Variants in NR1D2 observed in about 807,000 individuals in gnomAD.
NR1D2 encodes the protein V-erbA-related protein 1-related.
A neutral mutation model predicts 52.2 loss-of-function variants in NR1D2; 25 were observed. That is an observed-to-expected ratio of 0.48 (90% CI 0.35 to 0.67). NR1D2 has a LOEUF of 0.67. Ranked by LOEUF, NR1D2 falls within the 30% of genes least tolerant of loss-of-function variation. The pLI is 0.01. For missense variants in NR1D2, 681 were observed against 707.2 expected (o/e 0.96, Z 0.42); for synonymous variants, 259 against 230.1 (o/e 1.13, Z -1.14).
intron 5 of NR1D2, chr3:23,963,391 A>G: frequency 8.0e-7 from 1 of 1,251,932 alleles, no homozygotes; most frequent in Non-Finnish European, 1.0e-6. Context: ...CTTCATTAAA[A>G]TTTTTGTTGT....
chr3:23,971,601 T>C (rs974397199), intron 7 of NR1D2, among the ~76,000 whole-genome samples: 2 of 152,170 alleles, frequency 1.3e-5, no homozygotes, highest in Non-Finnish European at 2.9e-5. Context: ...GTATAACTTA[T>C]AAATAAAAGT....
intron 7 of NR1D2, among the ~76,000 whole-genome samples, chr3:23,976,880 T>A (rs538573548): frequency 6.6e-6 from 1 of 152,354 alleles, no homozygotes; most frequent in African/African-American, 2.4e-5. Flanking sequence ...AAAATATGTT[T>A]ATATACTACA....
intron 1 of NR1D2, chr3:23,946,356 G>A (rs1453871805): frequency 2.1e-6 from 2 of 937,738 alleles, no homozygotes; most frequent in Non-Finnish European, 2.5e-6. Context: ...GCAGGACGAG[G>A]GCGTGCTGCA....
rs755844630 is a variant in NR1D2 at position 23,977,438 on chromosome 3, C to A, written c.*19C>A. Reference sequence around the variant, plus strand: ...CCCTTAAGGCCTTTGTTTATTTAAACATGAACTGATGGTAACTGTACATTT... The same window carrying A: ...CCCTTAAGGCCTTTGTTTATTTAAAAATGAACTGATGGTAACTGTACATTT... On this transcript the variant is annotated 3_prime_UTR_variant, in exon 8 of 8. Transcript: ENST00000312521. 1 of 1,501,868 alleles carries A rather than the reference C, an allele frequency of 6.7e-7. No homozygotes were observed. The highest frequency in any genetic ancestry group is 1.4e-5 in the African/African-American group (1 of 71,352). The allele number at this position is 1,501,868 out of a possible 1,614,324, so 93.0% of individuals were successfully genotyped here.
intron 6 of NR1D2, among the ~76,000 whole-genome samples, 174 bp downstream of exon 6, chr3:23,965,336 T>C (rs1706410977): frequency 6.9e-6 from 1 of 145,078 alleles, no homozygotes; most frequent in South Asian, 2.2e-4. Flanking sequence ...GCTTCCTGGG[T>C]TCAAGCATTC....
At chr3:23,956,898 A>T (rs1290398077) in intron 3 of NR1D2, among the ~76,000 whole-genome samples, 1 of 152,080 alleles carries the variant, frequency 6.6e-6, no homozygotes. Context: ...TAGTTTGGCG[A>T]GATATGATGG....
chr3:23,946,174 G>T, intron 1 of NR1D2: 1 of 985,254 alleles, frequency 1.0e-6, no homozygotes, highest in African/African-American at 1.7e-5. Context: ...GTGCGCGCCC[G>T]CTGAGCCCCC....
chr3:23,963,188 C>T (rs2125291751), intron 5 of NR1D2: 1 of 1,045,222 alleles, frequency 9.6e-7, no homozygotes. Context: ...TGAAGCTTTT[C>T]TATTTTTCCA....
rs758912664 is a variant in NR1D2, at chr3:23,954,762, C to T, written c.242C>T (p.Ser81Leu). 7 of 1,614,134 alleles carry T rather than the reference C, an allele frequency of 4.3e-6. No homozygotes were observed. Among genetic ancestry groups the T allele is most frequent in the Middle Eastern group, 1.6e-4 (1 of 6,062 alleles). Residue 81 changes from serine (S) to leucine (L), a missense_variant, in exon 2 of 8, where the codon TCG (serine) becomes TTG (leucine). Physicochemically the swap from Ser to Leu is moderately radical, Grantham distance 145. Transcript: ENST00000312521. ...GATTGTTCTATGAAAACAAGCAAAT[C>T]GAGTGCACCTGGGATGACAAAAAGT... ...RIDCSMKTSK[S>L]SAPGMTKSHS...
chr3:23,967,822 G>A lies in NR1D2; in HGVS notation c.1342G>A (p.Val448Ile). ...CTTTTTCTTTTTCCAGGTTTTAATGGTACGGTTCGCATCATTATTTGATGC... is the reference window on the plus strand; with the variant it reads ...CTTTTTCTTTTTCCAGGTTTTAATGATACGGTTCGCATCATTATTTGATGC... ...LKAGTFEVLMVRFASLFDAKE... is the reference protein window; with the variant it reads ...LKAGTFEVLMIRFASLFDAKE... The change falls in exon 7 of 8, where the codon GTA becomes ATA. Residue 448 changes from valine to isoleucine, a missense_variant. This residue lies in a region of NR1D2 where 475 missense variants were observed against 454.5 expected (regional missense o/e 1.05). Coordinates refer to ENST00000312521, the MANE Select transcript of NR1D2 (RefSeq NM_005126.5). 1 of 1,612,696 alleles carries A rather than the reference G, an allele frequency of 6.2e-7. No individual in the cohort carries two copies. The highest frequency in any genetic ancestry group is 8.5e-7 in the Non-Finnish European group (1 of 1,179,330).
chr3:23,963,146 C>A, intron 5 of NR1D2: 1 of 575,532 alleles, frequency 1.7e-6, no homozygotes, highest in Non-Finnish European at 2.8e-6. Context: ...CAGACTTCAT[C>A]TTATGAGATG....
rs1440306688 is a variant in NR1D2 at position 23,980,597 on chromosome 3, A to G, written c.*3178A>G. 1.3e-5 allele frequency: 2 copies of G among 151,998 alleles called. No homozygotes were observed. The highest frequency in any genetic ancestry group is 4.8e-5 in the African/African-American group (2 of 41,386). The allele number at this position is 151,998 out of a possible 1,614,324, so 9.4% of individuals were successfully genotyped here. ...AGTAATCTGTATGTGGGGGGAGGGGATAATAAATATTTCTAACCAACTGTG... is the reference window on the plus strand; with the variant it reads ...AGTAATCTGTATGTGGGGGGAGGGGGTAATAAATATTTCTAACCAACTGTG... On this transcript the variant is annotated 3_prime_UTR_variant, in exon 8 of 8. Transcript: ENST00000312521.
At chr3:23,961,580 G>A (rs1425938671) in intron 4 of NR1D2, among the ~76,000 whole-genome samples, 2 of 151,540 alleles carry the variant, frequency 1.3e-5, no homozygotes, top group African/African-American at 4.8e-5. Flanking sequence ...TTTTTTAGTA[G>A]AGACGGGGTT....
At chr3:23,951,105 A>G (rs1446378433) in intron 1 of NR1D2, among the ~76,000 whole-genome samples, 1 of 151,906 alleles carries the variant, frequency 6.6e-6, no homozygotes, top group Non-Finnish European at 1.5e-5. Context: ...GGGTTTCTCC[A>G]TGTTGGTCAG....
At chr3:23,952,777 A>G (rs1301877673) in intron 1 of NR1D2, among the ~76,000 whole-genome samples, 1 of 151,086 alleles carries the variant, frequency 6.6e-6, no homozygotes, top group Non-Finnish European at 1.5e-5. Context: ...GTTTCTTGGC[A>G]TAGTAGGCAC....
intron 7 of NR1D2, among the ~76,000 whole-genome samples, chr3:23,971,763 G>A (rs1266264864): frequency 2.1e-5 from 3 of 140,650 alleles, no homozygotes; most frequent in Non-Finnish European, 4.7e-5. Context: ...TTCAAAGACA[G>A]TTTTTTCTTT....
chr3:23,945,673 CA>C, intron 1 of NR1D2, 79 bp downstream of exon 1: 4 of 830,496 alleles, frequency 4.8e-6, no homozygotes, highest in Non-Finnish European at 6.1e-6. Flanking sequence ...GGGGCGGCGG[CA>C]GGGGGTGTCC....
At chr3:23,972,759 T>C (rs765570351) in intron 7 of NR1D2, among the ~76,000 whole-genome samples, 6 of 152,202 alleles carry the variant, frequency 3.9e-5, no homozygotes, top group Non-Finnish European at 7.3e-5. Flanking sequence ...ATTTAGAAGA[T>C]GAATTTCCAC....
intron 6 of NR1D2, among the ~76,000 whole-genome samples, chr3:23,967,011 A>G (rs913372328): frequency 2.0e-5 from 3 of 151,952 alleles, no homozygotes; most frequent in African/African-American, 7.3e-5. Flanking sequence ...GCAACAGAGC[A>G]AGACCCTGTC....
Sources: gnomAD v4.1 joint callset for allele counts (sites outside exome capture counted in the v4.1 genomes callset) on GRCh38, gnomAD v4.1.1 for gene constraint, gnomAD v4.1.1 regional missense constraint, MANE v1.5 for transcripts, NCBI Gene and HGNC (gene_info 2026-07-23, HGNC 2026-07-21) for gene names.